WDR59: variants seen among roughly 807,000 people sequenced by gnomAD.
WDR59 encodes the protein WD repeat domain 59, also known as GATOR2 complex protein WDR59.
In WDR59, 100 loss-of-function variants were observed where a neutral mutation model predicts 131.2. That is an observed-to-expected ratio of 0.76 (90% CI 0.65 to 0.90). The LOEUF (loss-of-function observed/expected upper bound fraction) is 0.90, where lower values mean the gene tolerates loss of function less well. Ranked by LOEUF, WDR59 falls within the 40% of genes least tolerant of loss-of-function variation. WDR59 has a pLI of 0.00. For synonymous variants in WDR59, 601 were observed against 466.2 expected (o/e 1.29, Z -3.72); for missense variants, 1,203 against 1,262.2 (o/e 0.95, Z 0.71).
rs944551445 is a variant in WDR59 at position 74,909,576 on chromosome 16, T to C, written c.1567A>G (p.Thr523Ala). Residue 523 changes from threonine (T) to alanine (A), a missense_variant, in exon 16 of 26, where the codon ACC (threonine) becomes GCC (alanine). Physicochemically the swap from Thr to Ala is moderately conservative, Grantham distance 58. Transcript: ENST00000262144. Reference protein sequence around the residue: ...TPPLPTFARVTTAYGSYQDAN... With the variant: ...TPPLPTFARVATAYGSYQDAN... ...TCCTGGTACGACCCGTAAGCCGTGG[T>C]CACCCGCGCAAACGTCGGTAAGGGG... 6.2e-7 allele frequency: 1 copy of C among 1,610,864 alleles called. No individual in the cohort carries two copies. The highest frequency in any genetic ancestry group is 1.3e-5 in the African/African-American group (1 of 74,756).
chr16:74,923,579 G>A (rs1278997604), intron 9 of WDR59, among the ~76,000 whole-genome samples: 2 of 152,120 alleles, frequency 1.3e-5, no homozygotes, highest in Non-Finnish European at 2.9e-5. Context: ...CCGGGTTCAA[G>A]CGATTCTCCT....
intron 25 of WDR59, among the ~76,000 whole-genome samples, chr16:74,875,665 A>G (rs1002098520): frequency 6.6e-6 from 1 of 152,096 alleles, no homozygotes; most frequent in African/African-American, 2.4e-5. Context: ...TCTAGCTGCA[A>G]TTTGCCCTTT....
At chr16:74,936,501 G>C (rs2031811937) in intron 8 of WDR59, among the ~76,000 whole-genome samples, 1 of 151,906 alleles carries the variant, frequency 6.6e-6, no homozygotes, top group African/African-American at 2.4e-5. Flanking sequence ...TCCTGAACTT[G>C]GGAGACAAGC....
Position 74,886,177 on chromosome 16 carries a change from C to CAAAAA in WDR59, c.2546+88_2546+92dup, listed in dbSNP as rs777732079. 6.2e-5 allele frequency: 63 copies of CAAAAA among 1,018,768 alleles called. 1 individual carries two copies. Among genetic ancestry groups the CAAAAA allele is most frequent in the Middle Eastern group, 2.8e-4 (1 of 3,588 alleles). 63.1% of individuals were successfully genotyped at this position (1,018,768 alleles called of 1,614,324 possible). On this transcript the variant is annotated intron_variant, in intron 24 of 25. Transcript: ENST00000262144. Reference sequence around the variant, plus strand: ...TAGTGACCGGGTAAGATTCTGTGTCCAAAAAAAAAAAAAGTAAGAGTTGTG... The same window carrying CAAAAA: ...TAGTGACCGGGTAAGATTCTGTGTCCAAAAAAAAAAAAAAAAAAGTAAGAGTTGTG...
intron 14 of WDR59, among the ~76,000 whole-genome samples, chr16:74,910,333 T>C (rs1966026946): frequency 6.6e-6 from 1 of 152,148 alleles, no homozygotes; most frequent in Non-Finnish European, 1.5e-5. Context: ...GGTGCATGGT[T>C]AAGTCAAGGC....
chr16:74,905,772 C>A (rs2904227), intron 17 of WDR59, among the ~76,000 whole-genome samples: 108,838 of 151,836 alleles, frequency 0.72, 39,230 homozygotes, highest in East Asian at 0.84. Context: ...AAAATTAGGA[C>A]AATTTGTTCA....
At position 74,904,139 on chromosome 16, in the gene WDR59, T is replaced by G. The variant is rs1266937546; in HGVS notation, c.1713-39A>C. Reference sequence around the variant, plus strand: ...TGATAATTATCCACACTGGCTGCAGTCCTGTCATATTTCCAAGTGGTGCTA... The same window carrying G: ...TGATAATTATCCACACTGGCTGCAGGCCTGTCATATTTCCAAGTGGTGCTA... On this transcript the variant is annotated intron_variant, in intron 17 of 25. Coordinates refer to ENST00000262144, the MANE Select transcript of WDR59 (RefSeq NM_030581.4). 5 of 1,590,320 alleles carry G rather than the reference T, an allele frequency of 3.1e-6. No homozygotes were observed. The South Asian group carries it at 4.6e-5, about 14-fold the overall frequency.
intron 8 of WDR59, among the ~76,000 whole-genome samples, chr16:74,929,073 C>CTCTTT (rs879307751): frequency 9.9e-5 from 15 of 152,206 alleles, no homozygotes; most frequent in Admixed American, 2.6e-4. Flanking sequence ...ACAGACATCT[C>CTCTTT]TCTTTTCTTT....
chr16:74,981,641 TA>T (rs1567450752), intron 1 of WDR59, among the ~76,000 whole-genome samples: 3,076 of 50,208 alleles, frequency 0.061, 527 homozygotes, highest in African/African-American at 0.095. Context: ...TATATATATA[TA>T]TATATATATA....
chr16:74,908,980 A>G lies in WDR59; in HGVS notation c.1643-3T>C. 6.2e-7 allele frequency: 1 copy of G among 1,613,196 alleles called. No homozygotes were observed. ...CCTTGTGAAATATACCAGGTAACCT[A>G]AAGGAGGAGACATCACATGAGCCAT... is the stretch of plus-strand genomic sequence containing the variant. On this transcript the variant is annotated splice_region_variant and splice_polypyrimidine_tract_variant and intron_variant, in intron 16 of 25. Transcript: ENST00000262144.
At chr16:74,971,573 C>T (rs968889130) in intron 1 of WDR59, among the ~76,000 whole-genome samples, 4 of 151,442 alleles carry the variant, frequency 2.6e-5, no homozygotes, top group African/African-American at 9.7e-5. Context: ...GCTGGGATTA[C>T]AAGTACCTGT....
intron 3 of WDR59, among the ~76,000 whole-genome samples, chr16:74,955,075 G>C (rs1297162867): frequency 6.6e-6 from 1 of 152,208 alleles, no homozygotes; most frequent in Non-Finnish European, 1.5e-5. Flanking sequence ...TGCAGTGAAG[G>C]ATACTGAATT....
chr16:74,940,141 G>A (rs1459853993), intron 7 of WDR59, among the ~76,000 whole-genome samples: 1 of 152,154 alleles, frequency 6.6e-6, no homozygotes, highest in Non-Finnish European at 1.5e-5. Context: ...CACCTTGGGA[G>A]GCAAAGGCGG....
intron 1 of WDR59, among the ~76,000 whole-genome samples, chr16:74,982,092 T>C (rs1449077786): frequency 3.4e-5 from 5 of 147,640 alleles, no homozygotes; most frequent in Non-Finnish European, 4.5e-5. Context: ...CCTATCCCTA[T>C]TTAAAAAAAA....
chr16:74,880,539 C>A (rs1406183463), intron 25 of WDR59, among the ~76,000 whole-genome samples: 1 of 152,066 alleles, frequency 6.6e-6, no homozygotes, highest in Non-Finnish European at 1.5e-5. Flanking sequence ...GGACATGAAG[C>A]CCACAAGTCC....
chr16:74,901,286 T>A lies in WDR59; in HGVS notation c.1866+2661A>T, dbSNP rs116886373. Among the ~76,000 whole-genome samples, 568 of 151,886 alleles carry A rather than the reference T, an allele frequency of 3.7e-3. 2 individuals are homozygous for A. The highest frequency in any genetic ancestry group is 6.5e-3 in the Non-Finnish European group (441 of 67,944). ...AAAAGCCCCCAAACCAAAAACCCAC[T>A]ATACTTCCCTCATTGCTATGCCTTA... On this transcript the variant is annotated intron_variant, in intron 18 of 25. Transcript: ENST00000262144.
intron 1 of WDR59, among the ~76,000 whole-genome samples, chr16:74,974,855 G>A (rs1312290594): frequency 6.6e-6 from 1 of 152,180 alleles, no homozygotes; most frequent in Non-Finnish European, 1.5e-5. Context: ...TATACTGTGT[G>A]CGTCTACAGT....
chr16:74,892,567 T>G lies in WDR59; in HGVS notation c.2001-2A>C, dbSNP rs1965096458. ...TCCTGAATATCATTCACATTCAATC[T>G]GAAATTTTTTAAAAAGAATTAAACA... On this transcript the variant is annotated splice_acceptor_variant, in intron 19 of 25. Transcript: ENST00000262144. LOFTEE classifies it high-confidence loss of function. 6.2e-7 allele frequency: 1 copy of G among 1,612,046 alleles called. No individual in the cohort carries two copies. Among genetic ancestry groups the G allele is most frequent in the Non-Finnish European group, 8.5e-7 (1 of 1,179,044 alleles).
At chr16:74,918,445 G>C (rs970941517) in intron 10 of WDR59, among the ~76,000 whole-genome samples, 1 of 152,170 alleles carries the variant, frequency 6.6e-6, no homozygotes, top group African/African-American at 2.4e-5. Context: ...ACATGCTCTC[G>C]AAGAGCTGGA....
Sources: gnomAD v4.1 joint callset for allele counts (sites outside exome capture counted in the v4.1 genomes callset) on GRCh38, gnomAD v4.1.1 for gene constraint, MANE v1.5 for transcripts, NCBI Gene and HGNC (gene_info 2026-07-23, HGNC 2026-07-21) for gene names.